The following TRMT11 variants were observed in gnomAD, a reference collection of about 807,000 sequenced individuals.
TRMT11 encodes the protein tRNA methyltransferase 11, also known as tRNA (guanine(10)-N(2))-methyltransferase TRMT11.
Under a neutral mutation model 62.8 loss-of-function variants are expected in TRMT11, and 53 were observed. That is an observed-to-expected ratio of 0.84 (90% CI 0.68 to 1.06). The LOEUF is 1.06. TRMT11 is among the 50% of genes least tolerant of loss of function. The probability of loss-of-function intolerance (pLI) is 0.00; values close to 1 mark genes in which losing one functional copy is unlikely to be tolerated. For synonymous variants in TRMT11, 188 were observed against 190.3 expected, an observed-to-expected ratio of 0.99 and a Z score of 0.10; for missense variants, 556 against 553.4, an observed-to-expected ratio of 1.00 and a Z score of -0.05.
At chr6:126,228,542 C>T in the TRMT11 span, among the ~76,000 whole-genome samples, 3 of 152,198 alleles carry the variant, frequency 2.0e-5, no homozygotes, top group South Asian at 2.1e-4. Context: ...TTGTGATCCT[C>T]CTCAGGTGCT....
At chr6:126,125,615 G>T (rs1040538886) in intron 21 of TRMT11, among the ~76,000 whole-genome samples, 1 of 152,042 alleles carries the variant, frequency 6.6e-6, no homozygotes, top group Non-Finnish European at 1.5e-5. Flanking sequence ...AACAGACATG[G>T]TCCCTGTCCT....
At chr6:126,100,638 C>T (rs1444462852) in intron 17 of TRMT11, among the ~76,000 whole-genome samples, 5 of 152,194 alleles carry the variant, frequency 3.3e-5, no homozygotes, top group Non-Finnish European at 7.3e-5. Context: ...CCAGGCTGAA[C>T]TTGTGCTATA....
intron 17 of TRMT11, among the ~76,000 whole-genome samples, chr6:126,100,077 T>C (rs1193536674): frequency 6.6e-6 from 1 of 152,188 alleles, no homozygotes; most frequent in East Asian, 1.9e-4. Flanking sequence ...TGACACTCTT[T>C]GCATGCTTTG....
intron 9 of TRMT11, among the ~76,000 whole-genome samples, 156 bp from the exon 10 acceptor site, chr6:126,012,615 C>A (rs746068775): frequency 6.6e-6 from 1 of 152,146 alleles, no homozygotes; most frequent in Non-Finnish European, 1.5e-5. Flanking sequence ...TTGCTCCTCT[C>A]CCAAGTCTTT....
Position 125,993,800 on chromosome 6 carries a change from G to A in TRMT11, c.116G>A (p.Ser39Asn). ...LLLLFGGQFA[S>N]SQETYGKSPF... ...TTGCTTTTTGGAGGTCAGTTTGCCA[G>A]CAGTCAAGAAACTTATGGAAAGGTA... The change falls in exon 2 of 13, where the codon AGC (serine) becomes AAC (asparagine). Residue 39 changes from serine to asparagine, a missense_variant. Ser to Asn is a conservative substitution (Grantham distance 46, BLOSUM62 1). Coordinates refer to ENST00000334379, the MANE Select transcript of TRMT11 (RefSeq NM_001031712.3). The A allele has an allele frequency of 6.2e-7, 1 of 1,609,986 alleles. No homozygotes were observed. Among genetic ancestry groups the A allele is most frequent in the East Asian group, 2.2e-5 (1 of 44,684 alleles).
intron 17 of TRMT11, among the ~76,000 whole-genome samples, chr6:126,104,892 A>T (rs1220573815): frequency 2.0e-5 from 3 of 152,124 alleles, no homozygotes; most frequent in African/African-American, 7.2e-5. Context: ...GACAAATTGG[A>T]TCAGATATGC....
At chr6:125,993,725 A>G (rs549098027) in intron 1 of TRMT11, 32 bp from the exon 2 acceptor site, 1 of 1,470,388 alleles carries the variant, frequency 6.8e-7, no homozygotes, top group East Asian at 2.3e-5. Flanking sequence ...TTTTTGTTAA[A>G]ATGTATTTTC....
intron 17 of TRMT11, among the ~76,000 whole-genome samples, chr6:126,105,093 A>G (rs995813011): frequency 5.9e-5 from 9 of 152,242 alleles, no homozygotes; most frequent in African/African-American, 2.2e-4. Context: ...TTTCATTCAC[A>G]GAATCCCCAC....
chr6:126,059,247 C>T (rs922201041), intron 17 of TRMT11, among the ~76,000 whole-genome samples: 7 of 152,028 alleles, frequency 4.6e-5, no homozygotes, highest in African/African-American at 1.7e-4. Flanking sequence ...GAACAAATAA[C>T]AGCTTTACTA....
chr6:126,214,065 G>A, the TRMT11 span, among the ~76,000 whole-genome samples: 3 of 151,876 alleles, frequency 2.0e-5, no homozygotes, highest in Non-Finnish European at 2.9e-5. Flanking sequence ...CATGTTCAAC[G>A]ATCTTTGCAT....
At chr6:126,102,981 C>T (rs1273357835) in intron 17 of TRMT11, among the ~76,000 whole-genome samples, 1 of 152,140 alleles carries the variant, frequency 6.6e-6, no homozygotes, top group Non-Finnish European at 1.5e-5. Context: ...TAGAGAATGG[C>T]ATTTTCATTT....
chr6:126,234,545 CATGGGATAA>C, the TRMT11 span, among the ~76,000 whole-genome samples: 1 of 152,004 alleles, frequency 6.6e-6, no homozygotes, highest in Admixed American at 6.6e-5. Context: ...GATAAGGTGT[CATGGGATAA>C]ATGCAGGTGC....
At chr6:126,155,744 G>A (rs185705535) in intron 21 of TRMT11, among the ~76,000 whole-genome samples, 3 of 152,102 alleles carry the variant, frequency 2.0e-5, no homozygotes, top group African/African-American at 4.8e-5. Flanking sequence ...TTTTTGAGAC[G>A]GAGTCTCGCT....
At chr6:126,009,291 T>C (rs1269391991) in intron 8 of TRMT11, 1 of 151,992 alleles carries the variant, frequency 6.6e-6, no homozygotes, top group Non-Finnish European at 1.5e-5. Flanking sequence ...AGATTCTGCC[T>C]TGAACTGAGA....
intron 21 of TRMT11, among the ~76,000 whole-genome samples, chr6:126,135,771 TA>T (rs538403409): frequency 2.0e-5 from 3 of 151,736 alleles, no homozygotes; most frequent in Admixed American, 6.6e-5. Flanking sequence ...AACAACCCGT[TA>T]AAAAAATCAT....
chr6:126,072,231 T>C (rs1428939414), intron 17 of TRMT11, among the ~76,000 whole-genome samples: 4 of 152,208 alleles, frequency 2.6e-5, no homozygotes, highest in African/African-American at 9.6e-5. Flanking sequence ...GCATTTTCTA[T>C]TTCTAGGGAG....
chr6:126,268,188 GA>G, the TRMT11 span, among the ~76,000 whole-genome samples: 1 of 152,256 alleles, frequency 6.6e-6, no homozygotes, highest in African/African-American at 2.4e-5. Context: ...CAGAGAGAAG[GA>G]AACAAGAAGA....
intron 1 of TRMT11, among the ~76,000 whole-genome samples, chr6:126,194,337 T>C (rs1337795133): frequency 6.6e-6 from 1 of 152,218 alleles, no homozygotes; most frequent in Admixed American, 6.5e-5. Context: ...TCTTCGGTAT[T>C]GGATGAATAC....
intron 21 of TRMT11, among the ~76,000 whole-genome samples, chr6:126,157,073 A>G (rs1031149721): frequency 2.0e-5 from 3 of 152,058 alleles, no homozygotes; most frequent in South Asian, 2.1e-4. Context: ...AGGATCAACA[A>G]TGGTCCCTCA....
Sources: allele counts gnomAD v4.1 joint callset (sites outside exome capture counted in the v4.1 genomes callset), GRCh38; gene constraint gnomAD v4.1.1; transcripts MANE v1.5; gene names NCBI Gene and HGNC (gene_info 2026-07-23, HGNC 2026-07-21).